RIN3: variants seen among roughly 807,000 people sequenced by gnomAD.
RIN3 encodes Ras and Rab interactor 3.
Under a neutral mutation model 76.3 loss-of-function variants are expected in RIN3, and 54 were observed. The observed-to-expected ratio is 0.71, with a 90% CI of 0.57 to 0.89. The LOEUF (loss-of-function observed/expected upper bound fraction) is 0.89, where lower values mean the gene tolerates loss of function less well. Ranked by LOEUF, RIN3 falls within the 40% of genes least tolerant of loss-of-function variation. The pLI is 0.00. For synonymous variants in RIN3, 576 were observed against 564.0 expected (o/e 1.02, Z -0.30); for missense variants, 1,256 against 1,322.1 (o/e 0.95, Z 0.78).
chr14:92,688,562 G>C lies in RIN3; in HGVS notation c.*310G>C. On this transcript the variant is annotated 3_prime_UTR_variant, in exon 10 of 10. Transcript: ENST00000216487. ...CAAACCGGCGCCCTCTTCACACGTA[G>C]CTCCTCAGGCCATTCCCCATGAGTC... The C allele has an allele frequency of 2.3e-6, 1 of 434,558 alleles. No homozygotes were observed. The highest frequency in any genetic ancestry group is 4.2e-6 in the Non-Finnish European group (1 of 240,712). 26.9% of individuals were successfully genotyped at this position (434,558 alleles called of 1,614,324 possible). A position where few individuals can be genotyped will look rare whatever the true frequency, so the allele number is the denominator to read the frequency against.
intron 4 of RIN3, among the ~76,000 whole-genome samples, chr14:92,629,737 A>C (rs1427537895): frequency 1.3e-5 from 2 of 152,236 alleles, no homozygotes; most frequent in Non-Finnish European, 2.9e-5. Flanking sequence ...GAACAATTTC[A>C]GGAGGTAAAT....
At chr14:92,678,066 CCATT>C (rs1888531298) in intron 8 of RIN3, among the ~76,000 whole-genome samples, 1 of 150,978 alleles carries the variant, frequency 6.6e-6, no homozygotes, top group South Asian at 2.1e-4. Flanking sequence ...ATTCATCCAT[CCATT>C]AACCCATCCA....
In RIN3 at chr14:92,526,476, C is replaced by T. The variant is rs115558146; in HGVS notation, c.44+12500C>T. 8.1e-3 allele frequency among the ~76,000 whole-genome samples: 1,220 copies of T among 151,158 alleles called. 15 individuals are homozygous for T. The highest frequency in any genetic ancestry group is 0.028 in the African/African-American group (1,161 of 41,148). On this transcript the variant is annotated intron_variant, in intron 1 of 9. Coordinates refer to ENST00000216487, the MANE Select transcript of RIN3 (RefSeq NM_024832.5). ...CCTGTCTTAAAAAAAATAAATGGGCCGGGCGCAGTGGCTCAAGCCTATAAT... is the reference window on the plus strand; with the variant it reads ...CCTGTCTTAAAAAAAATAAATGGGCTGGGCGCAGTGGCTCAAGCCTATAAT...
chr14:92,633,228 G>A lies in RIN3; in HGVS notation c.441-8010G>A, dbSNP rs576087416. Among the ~76,000 whole-genome samples the A allele has an allele frequency of 4.6e-5, 7 of 152,332 alleles. No individual in the cohort carries two copies. In the South Asian group the frequency reaches 1.4e-3, roughly 32 times the overall value. On this transcript the variant is annotated intron_variant, in intron 4 of 9. Coordinates refer to ENST00000216487, the MANE Select transcript of RIN3 (RefSeq NM_024832.5). ...ACGAACATGCATGATGGTTTCCTGAGTATTTACTTGGTGCCAAGGTGCTGT... is the reference window on the plus strand; with the variant it reads ...ACGAACATGCATGATGGTTTCCTGAATATTTACTTGGTGCCAAGGTGCTGT...
At chr14:92,674,629 C>T (rs1566900017) in intron 7 of RIN3, among the ~76,000 whole-genome samples, 1 of 152,090 alleles carries the variant, frequency 6.6e-6, no homozygotes. Flanking sequence ...TGGCTCACAC[C>T]TGTAATCCCA....
chr14:92,580,158 C>T (rs188114764), intron 3 of RIN3, among the ~76,000 whole-genome samples: 65 of 152,364 alleles, frequency 4.3e-4, no homozygotes, highest in African/African-American at 1.3e-3. Flanking sequence ...AGGCGGATCA[C>T]GAAGTCAAGA....
chr14:92,577,646 C>T (rs1390864464), intron 3 of RIN3, among the ~76,000 whole-genome samples, 169 bp downstream of exon 3: 17 of 152,204 alleles, frequency 1.1e-4, no homozygotes, highest in Non-Finnish European at 1.5e-5. Context: ...GTTTTGAACT[C>T]AGTTCATCAT....
intron 1 of RIN3, among the ~76,000 whole-genome samples, chr14:92,545,162 T>G (rs1208595269): frequency 1.5e-5 from 2 of 137,840 alleles, no homozygotes; most frequent in African/African-American, 2.7e-5. Context: ...CAGGCTGGAG[T>G]GCAGTGGCAC....
chr14:92,585,635 G>T (rs1166116214), intron 3 of RIN3, among the ~76,000 whole-genome samples: 1 of 152,116 alleles, frequency 6.6e-6, no homozygotes, highest in Non-Finnish European at 1.5e-5. Flanking sequence ...TTTTTTGTTT[G>T]TTTGTTTGTT....
chr14:92,640,026 C>T (rs1477760968), intron 4 of RIN3, among the ~76,000 whole-genome samples: 2 of 124,568 alleles, frequency 1.6e-5, no homozygotes, highest in African/African-American at 3.2e-5. Flanking sequence ...GTGTGTTCGT[C>T]GAGGGCTGCC....
rs575556452 is a variant in RIN3 at position 92,535,412 on chromosome 14, C to A, written c.45-20339C>A. Among the ~76,000 whole-genome samples, 9 of 150,300 alleles carry A rather than the reference C, an allele frequency of 6.0e-5. No homozygotes were observed. In the South Asian group the frequency reaches 1.9e-3, roughly 31 times the overall value. ...GCAGTGGTGTGATCTTGGCTCACTG[C>A]AGCCTCCACCTCCCGGGCGAGCTTT... On this transcript the variant is annotated intron_variant, in intron 1 of 9. Coordinates refer to ENST00000216487, the MANE Select transcript of RIN3 (RefSeq NM_024832.5).
chr14:92,578,491 C>T (rs1213737240), intron 3 of RIN3, among the ~76,000 whole-genome samples: 1 of 152,092 alleles, frequency 6.6e-6, no homozygotes, highest in African/African-American at 2.4e-5. Context: ...CAGATAGACC[C>T]AATTTATCAA....
At chr14:92,561,044 A>AAATATATATATATATATATATATAT (rs1555383856) in intron 2 of RIN3, among the ~76,000 whole-genome samples, 1 of 24,394 alleles carries the variant, frequency 4.1e-5, no homozygotes, top group African/African-American at 1.3e-4. Context: ...AAAAAAAAAA[A>AAATATATATATATATATATATATAT]ATATATATAT....
At chr14:92,661,795 C>T (rs1887897568) in intron 7 of RIN3, among the ~76,000 whole-genome samples, 1 of 151,074 alleles carries the variant, frequency 6.6e-6, no homozygotes, top group Non-Finnish European at 1.5e-5. Context: ...GGAGACACCA[C>T]GCCAAGGCGA....
chr14:92,655,362 CAG>C (rs1052483312), intron 6 of RIN3, among the ~76,000 whole-genome samples: 1 of 151,868 alleles, frequency 6.6e-6, no homozygotes, highest in Non-Finnish European at 1.5e-5. Context: ...AGGAAAGAGA[CAG>C]AGAGACAGAG....
intron 1 of RIN3, among the ~76,000 whole-genome samples, chr14:92,522,430 ATTT>A (rs1434015124): frequency 6.6e-6 from 1 of 152,112 alleles, no homozygotes; most frequent in African/African-American, 2.4e-5. Context: ...AGCATCAAAC[ATTT>A]TTATCACCCG....
Position 92,574,208 on chromosome 14 carries a change from C to T in RIN3, c.250-3152C>T, listed in dbSNP as rs72697269. Among the ~76,000 whole-genome samples the T allele has an allele frequency of 1.3e-3, 204 of 152,298 alleles. 2 individuals carry two copies. Among genetic ancestry groups the T allele is most frequent in the Admixed American group, 3.2e-3 (49 of 15,310 alleles). On this transcript the variant is annotated intron_variant, in intron 2 of 9. Transcript: ENST00000216487. ...AGAGAGGGGGTCCTGAACAGGTCTT[C>T]GGTCCATGGTGAAGTGCAGGAGGTT...
chr14:92,530,311 G>A lies in RIN3; in HGVS notation c.44+16335G>A, dbSNP rs148422100. ...CACCTTCAGTGACATTGAAGTGTTC[G>A]AAAGGACAGTTTCCAAGAAAGGTAG... On this transcript the variant is annotated intron_variant, in intron 1 of 9. Coordinates refer to ENST00000216487, the MANE Select transcript of RIN3 (RefSeq NM_024832.5). Among the ~76,000 whole-genome samples the A allele has an allele frequency of 2.0e-3, 300 of 152,300 alleles. 1 individual carries two copies. Among genetic ancestry groups the A allele is most frequent in the Middle Eastern group, 0.01 (3 of 294 alleles).
intron 4 of RIN3, among the ~76,000 whole-genome samples, chr14:92,622,174 A>G (rs1318410670): frequency 6.6e-6 from 1 of 152,186 alleles, no homozygotes; most frequent in Non-Finnish European, 1.5e-5. Context: ...AGAAAATTCT[A>G]AGGAGGGCTT....
Sources: allele counts gnomAD v4.1 joint callset (sites outside exome capture counted in the v4.1 genomes callset), GRCh38; gene constraint gnomAD v4.1.1; transcripts MANE v1.5; gene names NCBI Gene and HGNC (gene_info 2026-07-23, HGNC 2026-07-21).